The following INPP4B variants were observed in gnomAD, a reference collection of about 807,000 sequenced individuals.
INPP4B encodes inositol polyphosphate-4-phosphatase type II B.
A neutral mutation model predicts 122.5 loss-of-function variants in INPP4B; 55 were observed. That is an observed-to-expected ratio of 0.45 (90% CI 0.36 to 0.56). INPP4B has a LOEUF of 0.56. Among genes scored for constraint, INPP4B ranks in the 20% least tolerant of loss-of-function variants. The pLI, the probability that INPP4B is intolerant of heterozygous loss-of-function variation, is 0.00. For missense variants in INPP4B, 1,000 were observed against 1,097.7 expected (o/e 0.91, Z 1.26); for synonymous variants, 403 against 388.7 (o/e 1.04, Z -0.43).
chr4:142,141,734 G>T (rs914073843), intron 18 of INPP4B, among the ~76,000 whole-genome samples: 5 of 152,148 alleles, frequency 3.3e-5, no homozygotes, highest in East Asian at 1.9e-4. Flanking sequence ...CTTGAAAAGA[G>T]AAATAGCTGT....
At chr4:142,605,028 C>T (rs774504992) in intron 2 of INPP4B, among the ~76,000 whole-genome samples, 33 of 151,934 alleles carry the variant, frequency 2.2e-4, no homozygotes, top group Non-Finnish European at 3.7e-4. Context: ...GACACATAGA[C>T]AAATGGAACA....
chr4:142,110,057 A>G (rs1338974417), intron 22 of INPP4B, among the ~76,000 whole-genome samples: 1 of 152,146 alleles, frequency 6.6e-6, no homozygotes, highest in Non-Finnish European at 1.5e-5. Flanking sequence ...TCCTTGCTGG[A>G]GTAACATTAG....
At chr4:142,101,216 TATCAA>T (rs751277680) in intron 23 of INPP4B, among the ~76,000 whole-genome samples, 1 of 152,126 alleles carries the variant, frequency 6.6e-6, no homozygotes, top group Non-Finnish European at 1.5e-5. Flanking sequence ...ATGTTGTGAG[TATCAA>T]CACACATGGA....
At chr4:142,221,050 C>A (rs183333469) in intron 12 of INPP4B, among the ~76,000 whole-genome samples, 1 of 152,132 alleles carries the variant, frequency 6.6e-6, no homozygotes, top group East Asian at 1.9e-4. Flanking sequence ...ACGATTCAGC[C>A]CAAAACAGAG....
chr4:142,457,224 G>T (rs1815651955), intron 3 of INPP4B, among the ~76,000 whole-genome samples: 1 of 151,916 alleles, frequency 6.6e-6, no homozygotes, highest in Non-Finnish European at 1.5e-5. Context: ...CCTTGGTAAA[G>T]ATTTGTTAAT....
At chr4:142,294,080 C>T (rs937090870) in intron 9 of INPP4B, among the ~76,000 whole-genome samples, 6 of 152,132 alleles carry the variant, frequency 3.9e-5, no homozygotes, top group African/African-American at 1.4e-4. Context: ...TGATAAATTA[C>T]TCAATTGGTA....
chr4:142,086,607 G>C (rs1353938236), intron 23 of INPP4B, among the ~76,000 whole-genome samples: 1 of 152,108 alleles, frequency 6.6e-6, no homozygotes, highest in African/African-American at 2.4e-5. Context: ...TGCCTATCTT[G>C]GCCTCCTGAA....
At chr4:142,814,281 T>C (rs772403804) in intron 1 of INPP4B, among the ~76,000 whole-genome samples, 1 of 152,134 alleles carries the variant, frequency 6.6e-6, no homozygotes, top group Non-Finnish European at 1.5e-5. Context: ...ATGGGGAGAA[T>C]GTTTCTTCAT....
chr4:142,704,923 C>T (rs908506450), intron 2 of INPP4B, among the ~76,000 whole-genome samples: 40 of 152,160 alleles, frequency 2.6e-4, no homozygotes, highest in Admixed American at 2.6e-3. Flanking sequence ...CTGATTAGTG[C>T]CCGCTTAACC....
chr4:142,829,085 T>A (rs1226270879), intron 1 of INPP4B, among the ~76,000 whole-genome samples: 2 of 151,230 alleles, frequency 1.3e-5, no homozygotes, highest in African/African-American at 4.9e-5. Context: ...CATAAATAAC[T>A]ATGCATGAAG....
intron 7 of INPP4B, among the ~76,000 whole-genome samples, chr4:142,353,233 T>C (rs1782476730): frequency 1.3e-5 from 2 of 151,974 alleles, no homozygotes; most frequent in South Asian, 4.1e-4. Flanking sequence ...AATATATTCC[T>C]CAGGAAAGTT....
intron 14 of INPP4B, among the ~76,000 whole-genome samples, chr4:142,201,753 T>A: frequency 6.6e-6 from 1 of 152,050 alleles, no homozygotes; most frequent in East Asian, 1.9e-4. Flanking sequence ...AAGGTAACAA[T>A]ACCTATAAGA....
chr4:142,080,390 C>T (rs947780356), intron 25 of INPP4B, among the ~76,000 whole-genome samples: 1 of 152,078 alleles, frequency 6.6e-6, no homozygotes, highest in African/African-American at 2.4e-5. Context: ...TACAGGCCAA[C>T]ACTCACACTC....
At chr4:142,602,280 T>C (rs930806192) in intron 2 of INPP4B, among the ~76,000 whole-genome samples, 5 of 151,920 alleles carry the variant, frequency 3.3e-5, no homozygotes, top group African/African-American at 4.8e-5. Flanking sequence ...ACATGGGAAG[T>C]GAAGGATCCC....
intron 7 of INPP4B, among the ~76,000 whole-genome samples, chr4:142,381,516 T>C (rs905864079): frequency 6.6e-6 from 1 of 152,124 alleles, no homozygotes; most frequent in Non-Finnish European, 1.5e-5. Context: ...TATCTAATTT[T>C]CATCTTATTT....
chr4:142,705,430 C>T (rs1762348898), intron 2 of INPP4B, among the ~76,000 whole-genome samples: 1 of 149,854 alleles, frequency 6.7e-6, no homozygotes, highest in Non-Finnish European at 1.5e-5. Context: ...TCTCTTCCTA[C>T]CAAGTCTCTC....
chr4:142,080,419 C>A (rs1347570516), intron 25 of INPP4B, among the ~76,000 whole-genome samples: 1 of 152,118 alleles, frequency 6.6e-6, no homozygotes, highest in Non-Finnish European at 1.5e-5. Context: ...TCCTCATATA[C>A]AGACAAAACC....
At chr4:142,649,340 A>T (rs1752452771) in intron 2 of INPP4B, among the ~76,000 whole-genome samples, 2 of 152,208 alleles carry the variant, frequency 1.3e-5, no homozygotes, top group Non-Finnish European at 2.9e-5. Flanking sequence ...GCTCCTTGCC[A>T]GCAATGGAAC....
intron 2 of INPP4B, among the ~76,000 whole-genome samples, chr4:142,675,654 C>G (rs1013068604): frequency 2.0e-4 from 30 of 152,296 alleles, no homozygotes; most frequent in African/African-American, 5.5e-4. Context: ...CCACCACAAT[C>G]AAGTCAGCTT....
Sources: gnomAD v4.1 joint callset for allele counts (sites outside exome capture counted in the v4.1 genomes callset) on GRCh38, gnomAD v4.1.1 for gene constraint, MANE v1.5 for transcripts, NCBI Gene and HGNC (gene_info 2026-07-23, HGNC 2026-07-21) for gene names.